The following MCTP2 variants were observed in gnomAD, a reference collection of about 807,000 sequenced individuals.
MCTP2 encodes multiple C2 and transmembrane domain-containing protein 2.
A neutral mutation model predicts 111.6 loss-of-function variants in MCTP2; 132 were observed. The observed-to-expected ratio is 1.18, with a 90% confidence interval of 1.03 to 1.37. MCTP2 has a LOEUF of 1.37. MCTP2 is among the 40% of genes most tolerant of loss of function. MCTP2 has a pLI of 0.00. For synonymous variants in MCTP2, 395 were observed against 387.7 expected, an observed-to-expected ratio of 1.02 and a Z score of -0.22; for missense variants, 1,183 against 1,067.9, an observed-to-expected ratio of 1.11 and a Z score of -1.50.
intron 17 of MCTP2, among the ~76,000 whole-genome samples, chr15:94,404,576 G>A (rs2081801936): frequency 6.6e-6 from 1 of 152,114 alleles, no homozygotes; most frequent in African/African-American, 2.4e-5. Context: ...TAGGATTACA[G>A]GCTTGAGCCA....
chr15:94,285,518 T>A lies in MCTP2; in HGVS notation c.-65-12683T>A, dbSNP rs560003563. 4.5e-3 allele frequency among the ~76,000 whole-genome samples: 688 copies of A among 152,112 alleles called. 6 individuals are homozygous for A. The highest frequency in any genetic ancestry group is 0.014 in the African/African-American group (592 of 41,492). ...TTATGCTTTGCTTCACAATTTATTT[T>A]TTTTTGTTGAATGGTACATTAACTT... On this transcript the variant is annotated intron_variant, in intron 1 of 22. Transcript: ENST00000357742.
In MCTP2 at chr15:94,298,373, A is replaced by G; in HGVS notation, c.108A>G (p.Pro36=). Residue 36 remains proline (P), a synonymous_variant, in exon 2 of 23, where the codon CCA becomes CCG. Transcript: ENST00000357742. ...KKVKKNPSKP[P]DLRARHHLDR... ...TGAAAAAGAACCCAAGTAAGCCCCCAGATCTACGGGCAAGGCATCACTTGG... is the reference window on the plus strand; with the variant it reads ...TGAAAAAGAACCCAAGTAAGCCCCCGGATCTACGGGCAAGGCATCACTTGG... The G allele has an allele frequency of 6.2e-7, 1 of 1,614,178 alleles. No individual in the cohort carries two copies. Among genetic ancestry groups the G allele is most frequent in the Non-Finnish European group, 8.5e-7 (1 of 1,180,024 alleles).
intron 22 of MCTP2, among the ~76,000 whole-genome samples, chr15:94,478,435 C>G (rs1046874934): frequency 3.3e-5 from 5 of 152,216 alleles, no homozygotes; most frequent in Admixed American, 2.6e-4. Context: ...ATATTTATCA[C>G]AGATGTTTTA....
chr15:94,424,689 A>G (rs567314689), intron 17 of MCTP2, among the ~76,000 whole-genome samples: 1 of 152,276 alleles, frequency 6.6e-6, no homozygotes, highest in Non-Finnish European at 1.5e-5. Flanking sequence ...GCATCAAATG[A>G]AAGTTATGAT....
intron 14 of MCTP2, among the ~76,000 whole-genome samples, chr15:94,389,570 C>T (rs2080746651): frequency 1.3e-5 from 2 of 152,076 alleles, no homozygotes; most frequent in South Asian, 4.1e-4. Flanking sequence ...ATATTGTGTG[C>T]TTCTTTAGGA....
chr15:94,243,713 A>G (rs1176256318), intron 1 of MCTP2, among the ~76,000 whole-genome samples: 2 of 129,376 alleles, frequency 1.5e-5, no homozygotes, highest in Admixed American at 7.3e-5. Context: ...ATACACATAT[A>G]TGTATACACA....
chr15:94,260,241 C>T (rs182897304), intron 1 of MCTP2, among the ~76,000 whole-genome samples: 490 of 152,254 alleles, frequency 3.2e-3, no homozygotes, highest in African/African-American at 0.011. Context: ...ACTCAGGATC[C>T]AGTGGGCTTG....
chr15:94,378,359 CA>C (rs776082411), intron 12 of MCTP2, among the ~76,000 whole-genome samples: 21,866 of 139,004 alleles, frequency 0.16, 1,720 homozygotes, highest in Middle Eastern at 0.21. Flanking sequence ...TGATGTCTAC[CA>C]AAAAAAAAAA....
intron 14 of MCTP2, among the ~76,000 whole-genome samples, chr15:94,397,328 T>C (rs892932427): frequency 6.6e-6 from 1 of 152,226 alleles, no homozygotes; most frequent in East Asian, 1.9e-4. Flanking sequence ...CTGATACCTC[T>C]TGTTCTTCTG....
At chr15:94,295,461 C>T (rs1305616554) in intron 1 of MCTP2, among the ~76,000 whole-genome samples, 7 of 152,100 alleles carry the variant, frequency 4.6e-5, no homozygotes, top group Admixed American at 3.3e-4. Context: ...TGTGTGAGCG[C>T]ATCTGAAGCT....
At chr15:94,320,265 C>G (rs7172503) in intron 4 of MCTP2, among the ~76,000 whole-genome samples, 30,784 of 151,784 alleles carry the variant, frequency 0.2, 3,199 homozygotes, top group Middle Eastern at 0.33. Flanking sequence ...GTCTCAGCCT[C>G]CCAAGTAGTT....
rs1478218813 is a variant in MCTP2 at position 94,341,113 on chromosome 15, G to C, written c.969+189G>C. On this transcript the variant is annotated intron_variant, in intron 7 of 22. Transcript: ENST00000357742. ...TGCTCTTCTTTGAGGAACCGGAAAG[G>C]AAATTTGTTAAGGAATTATTTCTTT... 4 of 489,116 alleles carry C rather than the reference G, an allele frequency of 8.2e-6. No homozygotes were observed. The Admixed American group carries it at 1.4e-4, about 17-fold the overall frequency. 30.3% of individuals were successfully genotyped at this position (489,116 alleles called of 1,614,324 possible).
At chr15:94,358,409 A>G (rs2078745646) in intron 9 of MCTP2, 73 bp from the exon 10 acceptor site, 1 of 1,397,468 alleles carries the variant, frequency 7.2e-7, no homozygotes, top group Non-Finnish European at 9.9e-7. Flanking sequence ...TTTAATGATG[A>G]AATTAATGTG....
intron 19 of MCTP2, among the ~76,000 whole-genome samples, chr15:94,443,302 T>C (rs1199138419): frequency 6.6e-6 from 1 of 152,224 alleles, no homozygotes; most frequent in African/African-American, 2.4e-5. Context: ...GCTGCTGCTT[T>C]AGGCTCATGT....
intron 1 of MCTP2, among the ~76,000 whole-genome samples, chr15:94,263,467 G>T (rs924526160): frequency 6.6e-6 from 1 of 152,136 alleles, no homozygotes; most frequent in African/African-American, 2.4e-5. Context: ...CATTTAACAC[G>T]TATTGTTGAC....
chr15:94,249,810 T>C (rs1266443371), intron 1 of MCTP2, among the ~76,000 whole-genome samples: 2 of 152,132 alleles, frequency 1.3e-5, no homozygotes, highest in African/African-American at 2.4e-5. Context: ...ATAACAGCTC[T>C]TCAGGTAGCT....
intron 12 of MCTP2, among the ~76,000 whole-genome samples, chr15:94,379,372 A>G (rs1596520629): frequency 6.6e-6 from 1 of 152,166 alleles, no homozygotes; most frequent in East Asian, 1.9e-4. Flanking sequence ...TTGTAAACAA[A>G]TGGTTGGAAA....
At chr15:94,335,580 T>G (rs756035297) in intron 4 of MCTP2, among the ~76,000 whole-genome samples, 6 of 152,198 alleles carry the variant, frequency 3.9e-5, no homozygotes, top group Non-Finnish European at 7.3e-5. Flanking sequence ...TCCAGCAGTT[T>G]CATTGTTAAA....
chr15:94,242,604 C>T (rs1370505254), intron 1 of MCTP2, among the ~76,000 whole-genome samples: 1 of 151,732 alleles, frequency 6.6e-6, no homozygotes, highest in Non-Finnish European at 1.5e-5. Context: ...CATTTTTGGG[C>T]CAGTAACAAT....
Sources: gnomAD v4.1 joint callset for allele counts (sites outside exome capture counted in the v4.1 genomes callset) on GRCh38, gnomAD v4.1.1 for gene constraint, MANE v1.5 for transcripts, NCBI Gene and HGNC (gene_info 2026-07-23, HGNC 2026-07-21) for gene names.